RNF17: variants seen among roughly 807,000 people sequenced by gnomAD.
The protein encoded by RNF17 is spermatogenesis associated 23.
In RNF17, 31 loss-of-function variants were observed where a neutral mutation model predicts 200.5. That is an observed-to-expected ratio of 0.15 (90% CI 0.12 to 0.21). The LOEUF (loss-of-function observed/expected upper bound fraction) is 0.21, where lower values mean the gene tolerates loss of function less well. Among genes scored for constraint, RNF17 ranks in the 10% least tolerant of loss-of-function variants. The pLI, the probability that RNF17 is intolerant of heterozygous loss-of-function variation, is 1.00. For missense variants in RNF17, 1,628 were observed against 1,905.1 expected, an observed-to-expected ratio of 0.85 and a Z score of 2.71; for synonymous variants, 606 against 637.8, an observed-to-expected ratio of 0.95 and a Z score of 0.75.
Position 24,842,077 on chromosome 13 carries a change from T to C in RNF17, c.2519T>C (p.Phe840Ser), listed in dbSNP as rs1395052648. The C allele has an allele frequency of 1.2e-6, 2 of 1,612,244 alleles. No individual in the cohort carries two copies. Among genetic ancestry groups the C allele is most frequent in the East Asian group, 4.5e-5 (2 of 44,812 alleles). The change falls in exon 19 of 36, where the codon TTC becomes TCC. Residue 840 changes from phenylalanine (F) to serine (S), a missense_variant. This residue lies in a region of RNF17 where 227 missense variants were observed against 319.8 expected (regional missense o/e 0.71). Coordinates refer to ENST00000255324, the MANE Select transcript of RNF17 (RefSeq NM_031277.3). ...GATAATGTGCTCTTAGTTGAGCTTT[T>C]CGATTCTCTTGGTGCTCCTGAAATG... is the stretch of plus-strand genomic sequence containing the variant. Reference protein sequence around the residue: ...LEDNVLLVELFDSLGAPEMTT... With the variant: ...LEDNVLLVELSDSLGAPEMTT...
At chr13:24,779,137 C>T (rs952126769) in intron 4 of RNF17, among the ~76,000 whole-genome samples, 2 of 151,688 alleles carry the variant, frequency 1.3e-5, no homozygotes, top group Non-Finnish European at 2.9e-5. Flanking sequence ...GCAGAAGTTG[C>T]AGTGAGCAGA....
chr13:24,836,399 A>T (rs886956107), intron 18 of RNF17, among the ~76,000 whole-genome samples: 1 of 152,232 alleles, frequency 6.6e-6, no homozygotes, highest in Non-Finnish European at 1.5e-5. Context: ...CTTTGCCCAG[A>T]CACATTGTCA....
At chr13:24,783,416 A>G (rs1434916423) in intron 6 of RNF17, among the ~76,000 whole-genome samples, 2 of 152,126 alleles carry the variant, frequency 1.3e-5, no homozygotes, top group Non-Finnish European at 2.9e-5. Context: ...TTCAATTTTC[A>G]CAAAACAATG....
chr13:24,883,408 A>T (rs1566275344), downstream of RNF17: 1 of 1,452,876 alleles, frequency 6.9e-7, no homozygotes, highest in African/African-American at 1.4e-5. Flanking sequence ...TTAAAAAAAA[A>T]ATAATAGAAA....
the RNF17 span, chr13:24,885,329 C>T: frequency 6.1e-5 from 98 of 1,613,984 alleles, no homozygotes; most frequent in Middle Eastern, 4.9e-4. Flanking sequence ...TCCTCCTCCT[C>T]TTTATATTCA....
chr13:24,811,180 T>A (rs373378943), intron 15 of RNF17, among the ~76,000 whole-genome samples: 1 of 147,250 alleles, frequency 6.8e-6, no homozygotes, highest in East Asian at 2.1e-4. Flanking sequence ...TGAATCTGAA[T>A]GTTGGCCTGC....
At chr13:24,822,288 T>G (rs758092507) in intron 15 of RNF17, among the ~76,000 whole-genome samples, 7 of 152,208 alleles carry the variant, frequency 4.6e-5, no homozygotes, top group African/African-American at 1.7e-4. Flanking sequence ...TGCCGGCATC[T>G]GTGTCTGCAG....
intron 6 of RNF17, among the ~76,000 whole-genome samples, chr13:24,784,065 A>G (rs1339840307): frequency 2.0e-5 from 3 of 152,196 alleles, no homozygotes; most frequent in Non-Finnish European, 4.4e-5. Context: ...GAGTGGTTTT[A>G]TCATGAAATT....
chr13:24,816,503 C>T (rs1326118975), intron 15 of RNF17, among the ~76,000 whole-genome samples: 2 of 152,158 alleles, frequency 1.3e-5, no homozygotes, highest in Non-Finnish European at 2.9e-5. Flanking sequence ...CAAATAATTT[C>T]CCCCCTTTAC....
chr13:24,846,052 T>C (rs1891226857), intron 22 of RNF17, among the ~76,000 whole-genome samples: 1 of 152,182 alleles, frequency 6.6e-6, no homozygotes, highest in Admixed American at 6.5e-5. Context: ...ATGATTGTGC[T>C]ACTGCACTCC....
rs1432175869 is a variant in RNF17, at chr13:24,869,485, A to G, written c.4278+769A>G. On this transcript the variant is annotated intron_variant, in intron 31 of 35. Transcript: ENST00000255324. ...AATACAAACACACATGAGGGTCAGG[A>G]ATCTGGGAGCTGCTGAGTTAAGCAC... Among the ~76,000 whole-genome samples, 6 of 152,336 alleles carry G rather than the reference A, an allele frequency of 3.9e-5. No homozygotes were observed. The East Asian group carries it at 9.6e-4, about 24-fold the overall frequency.
At chr13:24,758,631 AG>A in the RNF17 span, among the ~76,000 whole-genome samples, 1 of 152,186 alleles carries the variant, frequency 6.6e-6, no homozygotes, top group Non-Finnish European at 1.5e-5. Context: ...ACTAAATTTT[AG>A]TACCATTGCA....
the RNF17 span, among the ~76,000 whole-genome samples, chr13:24,748,117 G>A: frequency 1.2e-4 from 18 of 146,936 alleles, no homozygotes; most frequent in South Asian, 4.6e-4. Context: ...ACGCAGCTCC[G>A]GACTCCAGGC....
At chr13:24,825,801 G>A in intron 16 of RNF17, 29 bp downstream of exon 16, 1 of 1,596,522 alleles carries the variant, frequency 6.3e-7, no homozygotes, top group Non-Finnish European at 8.5e-7. Context: ...TTTCTACAGG[G>A]AGATGTCATA....
chr13:24,833,408 A>G (rs959595612), intron 18 of RNF17, among the ~76,000 whole-genome samples: 6 of 152,240 alleles, frequency 3.9e-5, no homozygotes, highest in Admixed American at 1.3e-4. Flanking sequence ...GAAGTTTTCT[A>G]TCTAGCTTCT....
the RNF17 span, among the ~76,000 whole-genome samples, chr13:24,887,178 G>T: frequency 5.3e-5 from 8 of 152,158 alleles, no homozygotes; most frequent in Non-Finnish European, 1.2e-4. Context: ...ACTACTTTAA[G>T]AATTTAGGTT....
rs1341872535 is a variant in RNF17, at chr13:24,845,098, ATT to A, written c.3101+22_3101+23del. On this transcript the variant is annotated intron_variant, in intron 22 of 35. Transcript: ENST00000255324. Reference sequence around the variant, plus strand: ...ACATAAGGTAGTTTTTAGCTGAGTAATTTTCTCATTATTTTAAATATTTTTAA... The same window carrying A: ...ACATAAGGTAGTTTTTAGCTGAGTAATTCTCATTATTTTAAATATTTTTAA... The A allele has an allele frequency of 4.4e-6, 5 of 1,128,282 alleles. No individual in the cohort carries two copies. Among genetic ancestry groups the A allele is most frequent in the Non-Finnish European group, 6.6e-6 (5 of 758,828 alleles). The allele number at this position is 1,128,282 out of a possible 1,614,324, so 69.9% of individuals were successfully genotyped here. A position where few individuals can be genotyped will look rare whatever the true frequency, so the allele number is the denominator to read the frequency against.
At chr13:24,768,480 T>C (rs1880118119) in intron 2 of RNF17, among the ~76,000 whole-genome samples, 1 of 152,000 alleles carries the variant, frequency 6.6e-6, no homozygotes, top group Non-Finnish European at 1.5e-5. Context: ...GAGAGGGGGT[T>C]TCACCATATT....
At chr13:24,803,508 A>G (rs1258330781) in intron 14 of RNF17, among the ~76,000 whole-genome samples, 1 of 152,328 alleles carries the variant, frequency 6.6e-6, no homozygotes, top group East Asian at 1.9e-4. Context: ...CTTGTTGGCC[A>G]GGCTGGTCTT....
Sources: allele counts gnomAD v4.1 joint callset (sites outside exome capture counted in the v4.1 genomes callset), GRCh38; gene constraint gnomAD v4.1.1; regional missense constraint gnomAD v4.1.1; transcripts MANE v1.5; gene names NCBI Gene and HGNC (gene_info 2026-07-23, HGNC 2026-07-21).